CELF2: variants seen among roughly 807,000 people sequenced by gnomAD.
CELF2 encodes the protein CUG triplet repeat RNA-binding protein 2.
Under a neutral mutation model 62.6 loss-of-function variants are expected in CELF2, and 8 were observed. That is an observed-to-expected ratio of 0.13 (90% confidence interval 0.07 to 0.23). CELF2 has a LOEUF of 0.23. Ranked by LOEUF, CELF2 falls within the 10% of genes least tolerant of loss-of-function variation. The pLI, the probability that CELF2 is intolerant of heterozygous loss-of-function variation, is 1.00. For missense variants in CELF2, 333 were observed against 671.0 expected, an observed-to-expected ratio of 0.50 and a Z score of 5.56; for synonymous variants, 258 against 250.0, an observed-to-expected ratio of 1.03 and a Z score of -0.30.
intron 2 of CELF2, among the ~76,000 whole-genome samples, chr10:10,935,698 C>A (rs770786597): frequency 6.6e-6 from 1 of 152,104 alleles, no homozygotes; most frequent in Non-Finnish European, 1.5e-5. Flanking sequence ...AGGAATTAAT[C>A]CCTGAAAAGC....
chr10:10,566,461 A>G, the CELF2 span, among the ~76,000 whole-genome samples: 4 of 147,748 alleles, frequency 2.7e-5, no homozygotes, highest in African/African-American at 5.0e-5. Flanking sequence ...GTACATGTGC[A>G]CATTGTGCAG....
chr10:10,698,528 G>T, the CELF2 span, among the ~76,000 whole-genome samples: 1 of 152,154 alleles, frequency 6.6e-6, no homozygotes, highest in Non-Finnish European at 1.5e-5. Context: ...ATATCCATTT[G>T]TTTTCAGAAT....
chr10:11,115,355 T>C lies in CELF2; in HGVS notation c.75-50131T>C, dbSNP rs142728966. Reference sequence around the variant, plus strand: ...AACCTGATGCTACAGGCGTTTAACATACTTTTCTTGGATTGTTGAAAAGGG... The same window carrying C: ...AACCTGATGCTACAGGCGTTTAACACACTTTTCTTGGATTGTTGAAAAGGG... On this transcript the variant is annotated intron_variant, in intron 1 of 12. Transcript: ENST00000633077. 2.4e-3 allele frequency among the ~76,000 whole-genome samples: 367 copies of C among 152,322 alleles called. 1 individual carries two copies. Among genetic ancestry groups the C allele is most frequent in the African/African-American group, 8.4e-3 (348 of 41,570 alleles).
At chr10:10,488,783 G>T in the CELF2 span, among the ~76,000 whole-genome samples, 32 of 152,142 alleles carry the variant, frequency 2.1e-4, no homozygotes, top group African/African-American at 7.5e-4. Flanking sequence ...AATTAACGTA[G>T]ATGTTAAACT....
rs1353823620 is a variant in CELF2, at chr10:11,183,203, C to T, written c.271+17521C>T. On this transcript the variant is annotated intron_variant, in intron 2 of 12. Transcript: ENST00000633077. ...GTGGTTACCATTTCCTAGAATGTTA[C>T]ATAACTGCAGCCATACAGCATGTGC... Among the ~76,000 whole-genome samples, 3 of 152,164 alleles carry T rather than the reference C, an allele frequency of 2.0e-5. No homozygotes were observed. In the East Asian group the frequency reaches 5.8e-4, roughly 29 times the overall value.
At chr10:10,760,146 C>T in the CELF2 span, among the ~76,000 whole-genome samples, 1 of 152,120 alleles carries the variant, frequency 6.6e-6, no homozygotes, top group Non-Finnish European at 1.5e-5. Flanking sequence ...TCAGGTGATC[C>T]ACCCACCTCA....
chr10:10,854,393 A>C (rs891161012), intron 1 of CELF2, among the ~76,000 whole-genome samples: 1 of 152,218 alleles, frequency 6.6e-6, no homozygotes, highest in Admixed American at 6.5e-5. Context: ...AGGTTTTGCC[A>C]AACCTACAAA....
At chr10:10,615,655 G>A in the CELF2 span, among the ~76,000 whole-genome samples, 2 of 152,016 alleles carry the variant, frequency 1.3e-5, no homozygotes, top group Admixed American at 6.5e-5. Flanking sequence ...GATAGTGAAT[G>A]AATTCTCACA....
chr10:11,100,139 G>A (rs7082947), intron 1 of CELF2, among the ~76,000 whole-genome samples: 37,081 of 151,996 alleles, frequency 0.24, 6,257 homozygotes, highest in African/African-American at 0.48. Flanking sequence ...AGGAGGCAGA[G>A]GTTGCAGTGA....
intron 1 of CELF2, among the ~76,000 whole-genome samples, chr10:10,837,648 T>G (rs1216837688): frequency 6.6e-6 from 1 of 152,198 alleles, no homozygotes; most frequent in Admixed American, 6.5e-5. Flanking sequence ...TACAAAGTAT[T>G]AACGGTCAGA....
rs560267887 is a variant in CELF2, at chr10:10,831,172, A to T, written c.53+32355A>T. Among the ~76,000 whole-genome samples, 384 of 152,330 alleles carry T rather than the reference A, an allele frequency of 2.5e-3. 1 individual carries two copies. The highest frequency in any genetic ancestry group is 3.3e-3 in the Admixed American group (51 of 15,312). On this transcript the variant is annotated intron_variant, in intron 1 of 13. Transcript: ENST00000636488. ...CATTCTGAAGTGAATTGGATTTCCA[A>T]TTGCGCACTTCAAGTACGTTAGCAT... is the stretch of plus-strand genomic sequence containing the variant.
the CELF2 span, among the ~76,000 whole-genome samples, chr10:10,691,289 G>A: frequency 6.6e-6 from 1 of 151,150 alleles, no homozygotes. Context: ...AGTTTACTGA[G>A]AATGATGATT....
At chr10:11,261,633 A>G (rs1261769252) in intron 5 of CELF2, among the ~76,000 whole-genome samples, 3 of 152,160 alleles carry the variant, frequency 2.0e-5, no homozygotes, top group Non-Finnish European at 4.4e-5. Context: ...GCGTAGCCAT[A>G]TCTCAGTATG....
chr10:10,908,032 C>G (rs1011557185), intron 1 of CELF2, among the ~76,000 whole-genome samples: 1 of 151,990 alleles, frequency 6.6e-6, no homozygotes, highest in Non-Finnish European at 1.5e-5. Flanking sequence ...CTCCTTTATG[C>G]TCAGGACTCA....
At chr10:10,687,419 C>G in the CELF2 span, among the ~76,000 whole-genome samples, 1 of 152,132 alleles carries the variant, frequency 6.6e-6, no homozygotes, top group African/African-American at 2.4e-5. Context: ...ATTGAACGAA[C>G]CTAATGAAAA....
At chr10:10,721,581 T>A in the CELF2 span, among the ~76,000 whole-genome samples, 1 of 152,382 alleles carries the variant, frequency 6.6e-6, no homozygotes, top group African/African-American at 2.4e-5. Flanking sequence ...CTTTTGAAAC[T>A]GGAGTGCAAT....
At chr10:11,171,180 T>C (rs1033158974) in intron 2 of CELF2, 1 of 152,236 alleles carries the variant, frequency 6.6e-6, no homozygotes, top group African/African-American at 2.4e-5. Context: ...GCTGTGCAAC[T>C]GCATCGCAAC....
At chr10:10,937,109 T>A in intron 2 of CELF2, among the ~76,000 whole-genome samples, 1 of 149,408 alleles carries the variant, frequency 6.7e-6, no homozygotes, top group Admixed American at 6.9e-5. Flanking sequence ...TCTTCTTTTT[T>A]GTTTTTCTTT....
intron 2 of CELF2, among the ~76,000 whole-genome samples, chr10:11,194,893 C>T (rs909621970): frequency 2.0e-5 from 3 of 152,182 alleles, no homozygotes; most frequent in Non-Finnish European, 2.9e-5. Context: ...AATCCCGATG[C>T]GTCTTTGTTG....
Sources: gnomAD v4.1 joint callset for allele counts (sites outside exome capture counted in the v4.1 genomes callset) on GRCh38, gnomAD v4.1.1 for gene constraint, MANE v1.5 for transcripts, NCBI Gene and HGNC (gene_info 2026-07-23, HGNC 2026-07-21) for gene names.